LGSN: variants seen among roughly 807,000 people sequenced by gnomAD.
The protein encoded by LGSN is lengsin, lens protein with glutamine synthetase domain, also known as lengsin.
LGSN carries 21 observed loss-of-function variants against 19.5 expected under a neutral mutation model. The observed-to-expected ratio is 1.07, with a 90% CI of 0.76 to 1.55. The LOEUF (loss-of-function observed/expected upper bound fraction) is 1.55. Ranked by LOEUF, LGSN falls within the 40% of genes most tolerant of loss-of-function variation. The pLI is 0.00. For missense variants in LGSN, 673 were observed against 608.5 expected (o/e 1.11, Z -1.12); for synonymous variants, 257 against 215.6 (o/e 1.19, Z -1.68).
At chr6:63,564,521 G>C in the LGSN span, among the ~76,000 whole-genome samples, 8 of 152,156 alleles carry the variant, frequency 5.3e-5, no homozygotes, top group Admixed American at 5.2e-4. Flanking sequence ...TGTAAGGCCT[G>C]CCCCAGTAAT....
At chr6:63,515,835 A>G in the LGSN span, among the ~76,000 whole-genome samples, 1 of 152,210 alleles carries the variant, frequency 6.6e-6, no homozygotes, top group Non-Finnish European at 1.5e-5. Flanking sequence ...AGGGAGGCCT[A>G]GTTCATAATG....
chr6:63,327,430 C>A, the LGSN span, among the ~76,000 whole-genome samples: 3 of 152,152 alleles, frequency 2.0e-5, no homozygotes, highest in Non-Finnish European at 4.4e-5. Context: ...TTCCTGTAAA[C>A]GCTGGGCGGC....
At chr6:63,287,051 G>A (rs1336058598) in intron 2 of LGSN, among the ~76,000 whole-genome samples, 1 of 152,172 alleles carries the variant, frequency 6.6e-6, no homozygotes, top group African/African-American at 2.4e-5. Context: ...AGTGATACCT[G>A]AGTATTCTTT....
chr6:63,508,690 G>A, the LGSN span, among the ~76,000 whole-genome samples: 1 of 152,124 alleles, frequency 6.6e-6, no homozygotes, highest in African/African-American at 2.4e-5. Flanking sequence ...GCCGAGGCAG[G>A]TGGATCATGT....
the LGSN span, among the ~76,000 whole-genome samples, chr6:63,560,822 C>G: frequency 6.6e-6 from 1 of 152,168 alleles, no homozygotes; most frequent in Non-Finnish European, 1.5e-5. Context: ...AGACCAGTAA[C>G]AGTTCATAGA....
At chr6:63,424,676 A>T in the LGSN span, among the ~76,000 whole-genome samples, 1 of 152,192 alleles carries the variant, frequency 6.6e-6, no homozygotes, top group Non-Finnish European at 1.5e-5. Flanking sequence ...TAATTCCAGA[A>T]CTTTGGAATG....
chr6:63,390,118 C>CTTTTTTTTTTTTTTT, the LGSN span, among the ~76,000 whole-genome samples: 41 of 66,318 alleles, frequency 6.2e-4, 3 homozygotes, highest in African/African-American at 1.8e-3. Context: ...TTCTTTCTTT[C>CTTTTTTTTTTTTTTT]TTTTTTTTTT....
upstream of LGSN, among the ~76,000 whole-genome samples, chr6:63,324,098 T>A (rs1393098117): frequency 1.3e-5 from 2 of 152,134 alleles, no homozygotes; most frequent in African/African-American, 4.8e-5. Flanking sequence ...ATACAGCCCA[T>A]GTCATGCAAC....
chr6:63,439,237 G>C, the LGSN span, among the ~76,000 whole-genome samples: 12 of 152,098 alleles, frequency 7.9e-5, no homozygotes, highest in African/African-American at 2.7e-4. Flanking sequence ...ATAGCATTAG[G>C]AGATATACCT....
the LGSN span, among the ~76,000 whole-genome samples, chr6:63,484,405 T>C: frequency 6.6e-6 from 1 of 151,842 alleles, no homozygotes; most frequent in South Asian, 2.1e-4. Context: ...ACATCTATAG[T>C]CCCAGCTACT....
At chr6:63,455,339 A>G in the LGSN span, among the ~76,000 whole-genome samples, 3 of 152,252 alleles carry the variant, frequency 2.0e-5, no homozygotes, top group Non-Finnish European at 2.9e-5. Context: ...CTCACCCATT[A>G]TCTTCAGGTA....
the LGSN span, among the ~76,000 whole-genome samples, chr6:63,405,242 C>T: frequency 0.11 from 16,951 of 150,242 alleles, 1,849 homozygotes; most frequent in African/African-American, 0.3. Flanking sequence ...TCTTTGCTAT[C>T]GTGAATAGTG....
chr6:63,401,856 C>T, the LGSN span, among the ~76,000 whole-genome samples: 7 of 152,098 alleles, frequency 4.6e-5, no homozygotes, highest in Admixed American at 2.6e-4. Flanking sequence ...ATGGCATACC[C>T]AAAGGTTTAA....
the LGSN span, among the ~76,000 whole-genome samples, chr6:63,442,929 G>T: frequency 6.6e-6 from 1 of 152,240 alleles, no homozygotes; most frequent in Non-Finnish European, 1.5e-5. Flanking sequence ...ACCACGGGTG[G>T]AGCTGCCCAC....
chr6:63,322,398 TC>T (rs1769105504), upstream of LGSN, among the ~76,000 whole-genome samples: 1 of 152,158 alleles, frequency 6.6e-6, no homozygotes, highest in Non-Finnish European at 1.5e-5. Flanking sequence ...AAATAATCTT[TC>T]TTATGACCTT....
At chr6:63,525,304 G>T in the LGSN span, among the ~76,000 whole-genome samples, 1 of 152,148 alleles carries the variant, frequency 6.6e-6, no homozygotes, top group African/African-American at 2.4e-5. Context: ...CCGGTTGTGG[G>T]TAACCTCCAG....
At chr6:63,354,295 A>T in the LGSN span, among the ~76,000 whole-genome samples, 4 of 152,104 alleles carry the variant, frequency 2.6e-5, no homozygotes, top group East Asian at 3.8e-4. Context: ...AACAGCAAAA[A>T]AAATAAATAA....
At chr6:63,300,402 C>G (rs762955836) in intron 1 of LGSN, among the ~76,000 whole-genome samples, 1 of 152,180 alleles carries the variant, frequency 6.6e-6, no homozygotes, top group Non-Finnish European at 1.5e-5. Flanking sequence ...AGCAATGGCT[C>G]ATTCCTATAA....
intron 1 of LGSN, among the ~76,000 whole-genome samples, chr6:63,308,433 T>A (rs954219632): frequency 2.0e-5 from 3 of 152,176 alleles, no homozygotes; most frequent in Admixed American, 6.5e-5. Context: ...CTCAGTGACT[T>A]GATCAAATTA....
Sources: allele counts gnomAD v4.1 joint callset (sites outside exome capture counted in the v4.1 genomes callset), GRCh38; gene constraint gnomAD v4.1.1; transcripts MANE v1.5; gene names NCBI Gene and HGNC (gene_info 2026-07-23, HGNC 2026-07-21).